Variants in CDH13 observed in about 807,000 individuals in gnomAD.
CDH13 encodes cadherin 13, also known as cadherin-13.
In CDH13, 24 loss-of-function variants were observed where a neutral mutation model predicts 63.8. That is an observed-to-expected ratio of 0.38 (90% CI 0.27 to 0.53). CDH13 has a LOEUF of 0.53. CDH13 is among the 20% of genes least tolerant of loss of function. The pLI is 0.85. For missense variants in CDH13, 1,049 were observed against 903.1 expected (o/e 1.16, Z -2.07); for synonymous variants, 503 against 355.3 (o/e 1.42, Z -4.67).
chr16:82,708,789 C>A (rs975669959), intron 1 of CDH13, among the ~76,000 whole-genome samples: 1 of 152,002 alleles, frequency 6.6e-6, no homozygotes, highest in Non-Finnish European at 1.5e-5. Context: ...AGACACCCCT[C>A]CCCAGACTGA....
At chr16:83,157,908 G>A (rs1290566999) in intron 4 of CDH13, among the ~76,000 whole-genome samples, 2 of 151,670 alleles carry the variant, frequency 1.3e-5, no homozygotes, top group Non-Finnish European at 2.9e-5. Context: ...GTGAGACTCT[G>A]TCTCAAAAAA....
At chr16:83,440,682 G>A (rs1376415865) in intron 6 of CDH13, among the ~76,000 whole-genome samples, 3 of 151,762 alleles carry the variant, frequency 2.0e-5, no homozygotes, top group Admixed American at 2.0e-4. Context: ...CTACTCAGGA[G>A]GCTGCGGCAG....
Position 83,540,909 on chromosome 16 carries a change from C to T in CDH13, c.960+54254C>T, listed in dbSNP as rs111903174. Among the ~76,000 whole-genome samples, 1,125 of 152,258 alleles carry T rather than the reference C, an allele frequency of 7.4e-3. 6 individuals are homozygous for T. The highest frequency in any genetic ancestry group is 0.01 in the Non-Finnish European group (695 of 68,022). On this transcript the variant is annotated intron_variant, in intron 7 of 13. Transcript: ENST00000567109. Reference sequence around the variant, plus strand: ...CCTCCCAAAGTGCTGGGATTATAGGCGTGAGCCACTGCACCTGGCCTATTG... The same window carrying T: ...CCTCCCAAAGTGCTGGGATTATAGGTGTGAGCCACTGCACCTGGCCTATTG...
intron 6 of CDH13, among the ~76,000 whole-genome samples, chr16:83,418,072 C>T (rs952652096): frequency 6.6e-6 from 1 of 152,098 alleles, no homozygotes; most frequent in African/African-American, 2.4e-5. Context: ...TAGAACATGG[C>T]AGTTAGGAAA....
chr16:83,170,497 C>T (rs72800272), intron 4 of CDH13, among the ~76,000 whole-genome samples: 24,478 of 152,054 alleles, frequency 0.16, 2,093 homozygotes, highest in South Asian at 0.19. Flanking sequence ...GAGAAACTCA[C>T]CAATACAATT....
At chr16:83,093,892 A>C (rs777252729) in intron 3 of CDH13, among the ~76,000 whole-genome samples, 14 of 152,206 alleles carry the variant, frequency 9.2e-5, no homozygotes, top group Non-Finnish European at 2.1e-4. Flanking sequence ...AAGAAGTGGG[A>C]ACTCCGTAAA....
intron 2 of CDH13, among the ~76,000 whole-genome samples, chr16:83,002,550 A>G (rs890160917): frequency 6.6e-6 from 1 of 152,252 alleles, no homozygotes; most frequent in Admixed American, 6.5e-5. Context: ...TAAACAGACA[A>G]AAATCCCTGC....
intron 1 of CDH13, among the ~76,000 whole-genome samples, chr16:82,643,915 T>A (rs199663283): frequency 2.7e-5 from 4 of 148,012 alleles, no homozygotes; most frequent in South Asian, 2.2e-4. Flanking sequence ...CCCAGTTAAT[T>A]AAAAAAAAAA....
At chr16:82,694,104 A>G (rs2029966294) in intron 1 of CDH13, among the ~76,000 whole-genome samples, 1 of 152,240 alleles carries the variant, frequency 6.6e-6, no homozygotes, top group Admixed American at 6.5e-5. Flanking sequence ...GGCACTTAGT[A>G]GGTACTCAAT....
intron 6 of CDH13, among the ~76,000 whole-genome samples, chr16:83,353,610 C>T (rs376231478): frequency 3.3e-5 from 5 of 152,386 alleles, no homozygotes; most frequent in East Asian, 1.9e-4. Flanking sequence ...ATAGCTCTCT[C>T]TCCCCCTAAA....
intron 5 of CDH13, among the ~76,000 whole-genome samples, chr16:83,267,423 G>A (rs923348708): frequency 4.6e-5 from 7 of 152,312 alleles, no homozygotes; most frequent in African/African-American, 1.7e-4. Context: ...ATAGGAGAAA[G>A]AGAGAGCAGC....
chr16:83,451,781 G>A (rs968183064), intron 6 of CDH13, among the ~76,000 whole-genome samples: 2 of 152,218 alleles, frequency 1.3e-5, no homozygotes, highest in African/African-American at 2.4e-5. Context: ...GCCTCGCAAA[G>A]TGCTGGCATT....
At chr16:83,536,786 G>A (rs1243493423) in intron 7 of CDH13, among the ~76,000 whole-genome samples, 2 of 152,176 alleles carry the variant, frequency 1.3e-5, no homozygotes, top group Admixed American at 1.3e-4. Flanking sequence ...TGGGGAGAAG[G>A]TGCCACTTCG....
intron 5 of CDH13, among the ~76,000 whole-genome samples, chr16:83,298,590 C>A (rs1209573222): frequency 6.6e-6 from 1 of 152,116 alleles, no homozygotes; most frequent in Non-Finnish European, 1.5e-5. Context: ...CTTAAAAACT[C>A]CAAGAAGTAA....
intron 7 of CDH13, among the ~76,000 whole-genome samples, chr16:83,532,714 A>G (rs561398764): frequency 3.3e-4 from 50 of 152,304 alleles, no homozygotes; most frequent in Non-Finnish European, 6.2e-4. Context: ...TTTGCAAGCA[A>G]TCATTGGCCA....
intron 10 of CDH13, among the ~76,000 whole-genome samples, chr16:83,714,057 G>A (rs890886891): frequency 6.6e-6 from 1 of 152,128 alleles, no homozygotes; most frequent in Admixed American, 6.5e-5. Context: ...GCTGGCCACT[G>A]GCCCCATCCA....
chr16:82,677,890 C>T (rs1308384694), intron 1 of CDH13, among the ~76,000 whole-genome samples: 1 of 152,108 alleles, frequency 6.6e-6, no homozygotes, highest in Non-Finnish European at 1.5e-5. Context: ...TGGCTTCTGA[C>T]CTTGCTCTCA....
chr16:83,228,204 TA>T lies in CDH13; in HGVS notation c.636+10708del, dbSNP rs2039898922. 2.0e-5 allele frequency among the ~76,000 whole-genome samples: 3 copies of T among 152,192 alleles called. 1 individual carries two copies. The highest frequency in any genetic ancestry group is 2.0e-4 in the Admixed American group (3 of 15,286). On this transcript the variant is annotated intron_variant, in intron 5 of 13. Coordinates refer to ENST00000567109, the MANE Select transcript of CDH13 (RefSeq NM_001257.5). ...TAGCAGATGCCTGGCAGTGTCTGCA[TA>T]TGTTTTTAGTTGTCACAACTGGGGC... is the stretch of plus-strand genomic sequence containing the variant.
intron 2 of CDH13, chr16:82,858,813 G>A (rs1331628236): frequency 2.7e-6 from 1 of 367,654 alleles, no homozygotes; most frequent in African/African-American, 2.0e-5. Context: ...CAAAATCATT[G>A]CCTTCTCGCA....
Sources: gnomAD v4.1 joint callset for allele counts (sites outside exome capture counted in the v4.1 genomes callset) on GRCh38, gnomAD v4.1.1 for gene constraint, MANE v1.5 for transcripts, NCBI Gene and HGNC (gene_info 2026-07-23, HGNC 2026-07-21) for gene names.